PRDM15: variants seen among roughly 807,000 people sequenced by gnomAD.
The protein encoded by PRDM15 is PR/SET domain 15, also known as PR domain zinc finger protein 15.
Under a neutral mutation model 128.6 loss-of-function variants are expected in PRDM15, and 64 were observed. That is an observed-to-expected ratio of 0.50 (90% CI 0.41 to 0.61). The LOEUF is 0.61. PRDM15 is among the 20% of genes least tolerant of loss of function. The pLI is 0.00. For missense variants in PRDM15, 1,242 were observed against 1,569.1 expected, an observed-to-expected ratio of 0.79 and a Z score of 3.52; for synonymous variants, 615 against 621.8, an observed-to-expected ratio of 0.99 and a Z score of 0.16.
At position 41,859,547 on chromosome 21, in the gene PRDM15, G is replaced by T; in HGVS notation, c.131+45C>A. 1 of 1,505,878 alleles carries T rather than the reference G, an allele frequency of 6.6e-7. No individual in the cohort carries two copies. The highest frequency in any genetic ancestry group is 9.2e-7 in the Non-Finnish European group (1 of 1,087,022). The allele number at this position is 1,505,878 out of a possible 1,614,324, so 93.3% of individuals were successfully genotyped here. A position where few individuals can be genotyped will look rare whatever the true frequency, so the allele number is the denominator to read the frequency against. On this transcript the variant is annotated intron_variant, in intron 3 of 23. Coordinates refer to ENST00000398548, the MANE Select transcript of PRDM15 (RefSeq NM_001040424.3). The surrounding 1 kb of genome is among the most constrained non-coding windows in gnomAD (Gnocchi z 5.3). ...ACCCAAAGGCCACTAGGCTCCTGCC[G>T]CAGCTGGCATATGGAAGGCCCGGGA...
In PRDM15 at chr21:41,839,799, C is replaced by T. The variant is rs201791225; in HGVS notation, c.695G>A (p.Ser232Asn). Residue 232 changes from serine to asparagine, a missense_variant, in exon 7 of 24, where the codon AGC becomes AAC. Ser to Asn is a conservative substitution (Grantham distance 46). Coordinates refer to ENST00000398548, the MANE Select transcript of PRDM15 (RefSeq NM_001040424.3). ...QAKSLPPGSQ[S>N]EAAAPEKEQD... ...CTCCTTCTCGGGAGCTGCTGCCTCGCTTTGGCTGCCTGGAGGAAGGCTTTT... is the reference window on the plus strand; with the variant it reads ...CTCCTTCTCGGGAGCTGCTGCCTCGTTTTGGCTGCCTGGAGGAAGGCTTTT... 1.9e-6 allele frequency: 3 copies of T among 1,614,262 alleles called. No homozygotes were observed. The highest frequency in any genetic ancestry group is 2.2e-5 in the East Asian group (1 of 44,878).
At chr21:41,826,603 T>A (rs985438881) in intron 12 of PRDM15, among the ~76,000 whole-genome samples, 14 of 152,242 alleles carry the variant, frequency 9.2e-5, no homozygotes, top group Non-Finnish European at 1.6e-4. Context: ...TAAATGTTCA[T>A]GCAAAACAGG....
intron 1 of PRDM15, among the ~76,000 whole-genome samples, chr21:41,865,183 A>C (rs1299076922): frequency 1.6e-5 from 2 of 125,716 alleles, no homozygotes; most frequent in African/African-American, 3.1e-5. Flanking sequence ...CTCACTCCTC[A>C]CTCCCCAGCC....
chr21:41,826,440 TATAG>T (rs1359374742), intron 12 of PRDM15, among the ~76,000 whole-genome samples: 4 of 152,224 alleles, frequency 2.6e-5, no homozygotes, highest in East Asian at 1.9e-4. Context: ...TTATGATTCT[TATAG>T]ATAGTGAAAT....
At chr21:41,871,853 C>T (rs989116368) in intron 1 of PRDM15, 5 of 457,334 alleles carry the variant, frequency 1.1e-5, no homozygotes, top group East Asian at 7.2e-5. Flanking sequence ...CCGGCCCTGC[C>T]GAGTACAGTC....
chr21:41,820,611 C>T, intron 16 of PRDM15, among the ~76,000 whole-genome samples: 1 of 152,296 alleles, frequency 6.6e-6, no homozygotes, highest in African/African-American at 2.4e-5. Flanking sequence ...CCTGAGCTCC[C>T]GCCTCCAGGA....
At chr21:41,848,160 C>T (rs2063325285) in intron 5 of PRDM15, among the ~76,000 whole-genome samples, 1 of 152,212 alleles carries the variant, frequency 6.6e-6, no homozygotes, top group Admixed American at 6.5e-5. Flanking sequence ...CAAAGACAAA[C>T]TCCTGGGTCT....
At chr21:41,875,727 T>C (rs1362717352) in intron 1 of PRDM15, among the ~76,000 whole-genome samples, 2 of 152,228 alleles carry the variant, frequency 1.3e-5, no homozygotes, top group African/African-American at 4.8e-5. Flanking sequence ...AATCACTCTA[T>C]TGATTCACCC....
rs2063842038 is a variant in PRDM15, at chr21:41,862,268, A to G, written c.-9-1896T>C. ...AGGCGCCCCACACTGCGGTCAGATCACCGCAGAACACAGAGTCCCAACAAA... is the reference window on the plus strand; with the variant it reads ...AGGCGCCCCACACTGCGGTCAGATCGCCGCAGAACACAGAGTCCCAACAAA... On this transcript the variant is annotated intron_variant, in intron 1 of 23. Transcript: ENST00000398548. This position sits in a 1 kb window ranked among gnomAD's most constrained non-coding sequence, Gnocchi z 4.1. Among the ~76,000 whole-genome samples, 1 of 152,196 alleles carries G rather than the reference A, an allele frequency of 6.6e-6. No homozygotes were observed. Among genetic ancestry groups the G allele is most frequent in the Non-Finnish European group, 1.5e-5 (1 of 68,026 alleles).
intron 4 of PRDM15, 85 bp downstream of exon 4, chr21:41,857,091 C>T (rs2063657422): frequency 8.1e-7 from 1 of 1,230,412 alleles, no homozygotes; most frequent in South Asian, 1.4e-5. Flanking sequence ...ATCATGGAAA[C>T]TCAGTGGTCC....
chr21:41,879,179 C>G lies in PRDM15; in HGVS notation c.-10+91G>C, dbSNP rs1433512015. 17 of 812,738 alleles carry G rather than the reference C, an allele frequency of 2.1e-5. No homozygotes were observed. The highest frequency in any genetic ancestry group is 2.5e-5 in the Non-Finnish European group (17 of 679,932). The allele number at this position is 812,738 out of a possible 1,614,324, so 50.3% of individuals were successfully genotyped here. A position where few individuals can be genotyped will look rare whatever the true frequency, so the allele number is the denominator to read the frequency against. On this transcript the variant is annotated intron_variant, in intron 1 of 23. Transcript: ENST00000398548. This position sits in a 1 kb window ranked among gnomAD's most constrained non-coding sequence, Gnocchi z 5.1. ...GGGGCGGGGGGCAGCGGGCCCAGGG[C>G]GCGCCGGGGCTCGCGGGGGCAGCGG...
Position 41,854,549 on chromosome 21 carries a change from CG to C in PRDM15, c.538+16del. ...GCACAAGGGAAGGTGGGCTCCGGAT[CG>C]GGGGCCGCCACATACCGTGGACGCC... On this transcript the variant is annotated intron_variant, in intron 5 of 23. Transcript: ENST00000398548. The surrounding 1 kb of genome is among the most constrained non-coding windows in gnomAD (Gnocchi z 4.6). 1.2e-6 allele frequency: 2 copies of C among 1,611,102 alleles called. No homozygotes were observed.
At chr21:41,838,919 G>C (rs1276255521) in intron 7 of PRDM15, among the ~76,000 whole-genome samples, 4 of 152,212 alleles carry the variant, frequency 2.6e-5, no homozygotes, top group Admixed American at 6.5e-5. Flanking sequence ...AAACTGCCCA[G>C]TGTCAGTAAC....
intron 5 of PRDM15, among the ~76,000 whole-genome samples, chr21:41,853,035 A>G (rs1297691372): frequency 1.3e-5 from 2 of 152,202 alleles, no homozygotes; most frequent in Admixed American, 6.5e-5. Flanking sequence ...GGTTGGGGAG[A>G]GTCCCGGGAC....
Position 41,836,601 on chromosome 21 carries a change from A to C in PRDM15, c.1050T>G (p.Ile350Met), listed in dbSNP as rs148032092. The change falls in exon 9 of 24, where the codon ATT becomes ATG. Residue 350 changes from isoleucine (I) to methionine (M), a missense_variant. Around this residue, in one of 3 missense-constraint regions of PRDM15, gnomAD observed 612 missense variants for 717.0 expected, o/e 0.85. Transcript: ENST00000398548. Reference protein sequence around the residue: ...NNTITLKRSLILSSRHGIRRK... With the variant: ...NNTITLKRSLMLSSRHGIRRK... ...GCCGGATGCCGTGTCTGCTTGAGAG[A>C]ATTAAGCTCCTCTTGAGCGTGATGG... 18 of 1,612,700 alleles carry C rather than the reference A, an allele frequency of 1.1e-5. No homozygotes were observed. In the African/African-American group the frequency reaches 1.7e-4, roughly 16 times the overall value.
In PRDM15 at chr21:41,869,430, T is replaced by C. The variant is rs115105813; in HGVS notation, c.-9-9058A>G. Among the ~76,000 whole-genome samples, 287 of 147,880 alleles carry C rather than the reference T, an allele frequency of 1.9e-3. 3 individuals are homozygous for C. Among genetic ancestry groups the C allele is most frequent in the African/African-American group, 6.5e-3 (262 of 40,502 alleles). ...CGAGTTGTTAGACTACAGGCACACA[T>C]CACCGGCTATTTTTTTTTTTTTTTT... On this transcript the variant is annotated intron_variant, in intron 1 of 23. Transcript: ENST00000398548.
In PRDM15 at chr21:41,878,894, A is replaced by AGCCCCGCG. The variant is rs1364462970; in HGVS notation, c.-10+368_-10+375dup. 70 of 951,580 alleles carry AGCCCCGCG rather than the reference A, an allele frequency of 7.4e-5. No homozygotes were observed. The African/African-American group carries it at 1.1e-3, about 15-fold the overall frequency. 58.9% of individuals were successfully genotyped at this position (951,580 alleles called of 1,614,324 possible). On this transcript the variant is annotated intron_variant, in intron 1 of 23. Transcript: ENST00000398548. ...CGCCCACGGGCGAGCGCGGCCCGGC[A>AGCCCCGCG]GCCCCGCGGCCCCGCGCTGGGCCTG...
intron 18 of PRDM15, among the ~76,000 whole-genome samples, chr21:41,818,788 TAAA>T (rs1373950074): frequency 2.6e-5 from 4 of 151,994 alleles, no homozygotes; most frequent in African/African-American, 9.7e-5. Flanking sequence ...AAAAAAAAAA[TAAA>T]AACAGGAATG....
intron 1 of PRDM15, chr21:41,871,525 T>C (rs2064210727): frequency 6.2e-6 from 10 of 1,609,656 alleles, no homozygotes; most frequent in African/African-American, 1.3e-5. Context: ...GTCGCAGGCC[T>C]GCACTCGCAG....
Sources: allele counts gnomAD v4.1 joint callset (sites outside exome capture counted in the v4.1 genomes callset), GRCh38; gene constraint gnomAD v4.1.1; regional missense constraint gnomAD v4.1.1; non-coding constraint Gnocchi (gnomAD v3.1); transcripts MANE v1.5; gene names NCBI Gene and HGNC (gene_info 2026-07-23, HGNC 2026-07-21).